SIPA1L1: variants seen among roughly 807,000 people sequenced by gnomAD.
SIPA1L1 encodes signal induced proliferation associated 1 like 1.
In SIPA1L1, 26 loss-of-function variants were observed where a neutral mutation model predicts 162.7. The ratio of observed to expected loss-of-function variants is 0.16; its 90% CI spans 0.12 to 0.22. SIPA1L1 has a LOEUF of 0.22. Ranked by LOEUF, SIPA1L1 falls within the 10% of genes least tolerant of loss-of-function variation. The pLI, the probability that SIPA1L1 is intolerant of heterozygous loss-of-function variation, is 1.00. For missense variants in SIPA1L1, 1,874 were observed against 2,241.0 expected (o/e 0.84, Z 3.31); for synonymous variants, 829 against 837.4 (o/e 0.99, Z 0.17).
chr14:71,578,389 A>G (rs982662361), intron 4 of SIPA1L1, among the ~76,000 whole-genome samples: 1 of 152,022 alleles, frequency 6.6e-6, no homozygotes, highest in East Asian at 1.9e-4. Context: ...TTACCTCTCT[A>G]TGCTCTTTCT....
At chr14:71,638,151 T>C (rs1372602186) in intron 7 of SIPA1L1, among the ~76,000 whole-genome samples, 1 of 152,212 alleles carries the variant, frequency 6.6e-6, no homozygotes, top group Non-Finnish European at 1.5e-5. Flanking sequence ...TCACCAGTTC[T>C]GCACAATTGC....
rs748712858 is a variant in SIPA1L1, at chr14:71,589,009, A to G, written c.1137A>G (p.Ser379=). Residue 379 remains serine (S), a synonymous_variant, in exon 5 of 24, where the codon TCA becomes TCG. Transcript: ENST00000381232. ...ASLVSGPLSH[S]ASFSSPMGST... is the part of the protein sequence containing the mutation. ...TGGTCTCTGGACCTCTGTCTCATTC[A>G]GCCAGTTTTAGCTCCCCAATGGGCA... 2.5e-6 allele frequency: 4 copies of G among 1,614,130 alleles called. No homozygotes were observed. Among genetic ancestry groups the G allele is most frequent in the South Asian group, 1.1e-5 (1 of 91,086 alleles).
intron 10 of SIPA1L1, among the ~76,000 whole-genome samples, chr14:71,670,347 G>A (rs1054245452): frequency 6.6e-6 from 1 of 152,108 alleles, no homozygotes; most frequent in African/African-American, 2.4e-5. Context: ...GAAATGACTG[G>A]AACAGGCTTT....
At chr14:71,665,729 T>A (rs1309808587) in intron 10 of SIPA1L1, among the ~76,000 whole-genome samples, 1 of 152,176 alleles carries the variant, frequency 6.6e-6, no homozygotes, top group African/African-American at 2.4e-5. Context: ...GTTGGGGATA[T>A]ATTCCAAGAC....
At chr14:71,686,143 A>G (rs1182037492) in intron 13 of SIPA1L1, among the ~76,000 whole-genome samples, 1 of 152,250 alleles carries the variant, frequency 6.6e-6, no homozygotes, top group East Asian at 1.9e-4. Flanking sequence ...AGAATAGTGA[A>G]GAGAAGACGA....
intron 2 of SIPA1L1, among the ~76,000 whole-genome samples, chr14:71,445,667 A>T (rs536365324): frequency 1.8e-4 from 28 of 152,232 alleles, no homozygotes; most frequent in Admixed American, 5.2e-4. Flanking sequence ...CAGTGTAAAT[A>T]TTTCCAACAT....
chr14:71,465,852 T>C (rs1004504959), intron 2 of SIPA1L1, among the ~76,000 whole-genome samples: 1 of 151,766 alleles, frequency 6.6e-6, no homozygotes, highest in Admixed American at 6.6e-5. Context: ...GAAGTTGGAG[T>C]CCAAAGTTCA....
chr14:71,656,681 G>T (rs182383387), intron 8 of SIPA1L1, among the ~76,000 whole-genome samples: 2 of 152,098 alleles, frequency 1.3e-5, no homozygotes, highest in Non-Finnish European at 2.9e-5. Flanking sequence ...TTAAGCCTTC[G>T]CATTTTATGT....
chr14:71,343,057 C>T (rs2035817299), intron 2 of SIPA1L1, among the ~76,000 whole-genome samples: 1 of 152,188 alleles, frequency 6.6e-6, no homozygotes, highest in East Asian at 1.9e-4. Context: ...AGGACCTTAG[C>T]CTATTTATCA....
chr14:71,484,386 C>A (rs1161633042), intron 2 of SIPA1L1, among the ~76,000 whole-genome samples: 1 of 150,614 alleles, frequency 6.6e-6, no homozygotes, highest in East Asian at 1.9e-4. Flanking sequence ...ATTTAAAACC[C>A]TTTAAGTAAT....
chr14:71,476,216 G>C (rs1221007108), intron 2 of SIPA1L1, among the ~76,000 whole-genome samples: 3 of 152,212 alleles, frequency 2.0e-5, no homozygotes, highest in Non-Finnish European at 2.9e-5. Flanking sequence ...GTATAACCCG[G>C]TGGGGTAGAG....
At chr14:71,594,477 G>A (rs1343068629) in intron 5 of SIPA1L1, among the ~76,000 whole-genome samples, 2 of 152,100 alleles carry the variant, frequency 1.3e-5, no homozygotes, top group Non-Finnish European at 2.9e-5. Context: ...TTAGGCTTGA[G>A]AAAAGTACCA....
chr14:71,375,423 A>AT (rs1038663921), intron 2 of SIPA1L1, among the ~76,000 whole-genome samples: 37 of 151,670 alleles, frequency 2.4e-4, no homozygotes, highest in Non-Finnish European at 4.0e-4. Flanking sequence ...AATATACTTG[A>AT]TTTTTTTTTA....
chr14:71,537,362 G>A (rs1228152814), intron 4 of SIPA1L1, among the ~76,000 whole-genome samples: 3 of 151,984 alleles, frequency 2.0e-5, no homozygotes, highest in East Asian at 3.9e-4. Context: ...CACCAGGCCC[G>A]GCTAATTTTT....
chr14:71,353,640 T>A (rs1473378854), intron 2 of SIPA1L1, among the ~76,000 whole-genome samples: 1 of 151,860 alleles, frequency 6.6e-6, no homozygotes, highest in Non-Finnish European at 1.5e-5. Flanking sequence ...GCAGTGGGGG[T>A]GGTCTGAGGG....
chr14:71,370,251 G>T (rs1289934608), intron 2 of SIPA1L1, among the ~76,000 whole-genome samples: 1 of 151,164 alleles, frequency 6.6e-6, no homozygotes, highest in African/African-American at 2.4e-5. Flanking sequence ...AGTTTTCAAA[G>T]GGAATGCTTC....
intron 4 of SIPA1L1, among the ~76,000 whole-genome samples, chr14:71,581,301 G>A (rs1173706668): frequency 2.6e-5 from 4 of 152,152 alleles, no homozygotes; most frequent in Admixed American, 6.6e-5. Context: ...AAAATGTTGG[G>A]ATTACAGGCG....
chr14:71,533,234 T>C lies in SIPA1L1; in HGVS notation c.-303+3864T>C, dbSNP rs145452486. 2.2e-4 allele frequency among the ~76,000 whole-genome samples: 33 copies of C among 152,362 alleles called. No individual in the cohort carries two copies. In the East Asian group the frequency reaches 6.4e-3, roughly 29 times the overall value. ...AAAATCAAATCAAAAGTTTTCTTAC[T>C]TTGTCTCAATTTACTTTATAACAAG... On this transcript the variant is annotated intron_variant, in intron 4 of 23. Coordinates refer to ENST00000381232, the MANE Select transcript of SIPA1L1 (RefSeq NM_001386936.1).
rs567082174 is a variant in SIPA1L1 at position 71,384,186 on chromosome 14, C to T, written c.-465+63005C>T. Reference sequence around the variant, plus strand: ...CTGAATAAAGATCAGATAAGTCCAACGGAATGAAAGGGAAGGTGATGAATT... The same window carrying T: ...CTGAATAAAGATCAGATAAGTCCAATGGAATGAAAGGGAAGGTGATGAATT... On this transcript the variant is annotated intron_variant, in intron 2 of 23. Coordinates refer to ENST00000381232, the MANE Select transcript of SIPA1L1 (RefSeq NM_001386936.1). Among the ~76,000 whole-genome samples, 104 of 152,234 alleles carry T rather than the reference C, an allele frequency of 6.8e-4. 1 individual carries two copies. In the South Asian group the frequency reaches 0.016, roughly 23 times the overall value.
Sources: allele counts gnomAD v4.1 joint callset (sites outside exome capture counted in the v4.1 genomes callset), GRCh38; gene constraint gnomAD v4.1.1; transcripts MANE v1.5; gene names NCBI Gene and HGNC (gene_info 2026-07-23, HGNC 2026-07-21).